The following ZKSCAN7 variants were observed in gnomAD, a reference collection of about 807,000 sequenced individuals.
The protein encoded by ZKSCAN7 is zinc finger with KRAB and SCAN domains 7.
In ZKSCAN7, 38 loss-of-function variants were observed where a neutral mutation model predicts 65.3. That is an observed-to-expected ratio of 0.58 (90% CI 0.45 to 0.76). ZKSCAN7 has a LOEUF of 0.76. Ranked by LOEUF, ZKSCAN7 falls within the 30% of genes least tolerant of loss-of-function variation. The probability of loss-of-function intolerance (pLI) is 0.00; values close to 1 mark genes in which losing one functional copy is unlikely to be tolerated. For synonymous variants in ZKSCAN7, 321 were observed against 321.0 expected, an observed-to-expected ratio of 1.00 and a Z score of 0.00; for missense variants, 815 against 913.3, an observed-to-expected ratio of 0.89 and a Z score of 1.39.
Position 44,557,004 on chromosome 3 carries a change from A to T in ZKSCAN7, c.-44A>T. 6.2e-7 allele frequency: 1 copy of T among 1,611,980 alleles called. No homozygotes were observed. Among genetic ancestry groups the T allele is most frequent in the Non-Finnish European group, 8.5e-7 (1 of 1,179,400 alleles). On this transcript the variant is annotated 5_prime_UTR_variant, in exon 2 of 6. Coordinates refer to ENST00000426540, the MANE Select transcript of ZKSCAN7 (RefSeq NM_001288590.2). The stretch of plus-strand genomic sequence containing the variant: ...ACCTGAACTATTGACCATCATTTTA[A>T]TCGGACCAACTGCAGCTGTAACAAG...
downstream of ZKSCAN7, among the ~76,000 whole-genome samples, chr3:44,572,519 T>C (rs1378492552): frequency 7.2e-5 from 11 of 151,938 alleles, no homozygotes; most frequent in African/African-American, 2.2e-4. Flanking sequence ...TAGTTCTGAA[T>C]TTGCTAACTG....
At chr3:44,581,211 C>G (rs1433537911) in intron 5 of ZKSCAN7, among the ~76,000 whole-genome samples, 1 of 147,200 alleles carries the variant, frequency 6.8e-6, no homozygotes, top group African/African-American at 2.4e-5. Context: ...TCACAGCGCG[C>G]GCGACGCCCA....
At chr3:44,558,620 G>A (rs1699369253) in intron 2 of ZKSCAN7, among the ~76,000 whole-genome samples, 1 of 152,072 alleles carries the variant, frequency 6.6e-6, no homozygotes. Flanking sequence ...CCCATAGGCA[G>A]GCCATCGACA....
At chr3:44,575,647 G>T (rs1292554262), downstream of ZKSCAN7, among the ~76,000 whole-genome samples, 1 of 152,100 alleles carries the variant, frequency 6.6e-6, no homozygotes, top group Non-Finnish European at 1.5e-5. Context: ...GCACGATCTC[G>T]GCTCACTGCA....
At chr3:44,573,371 A>AT (rs1426910552), downstream of ZKSCAN7, among the ~76,000 whole-genome samples, 14 of 152,008 alleles carry the variant, frequency 9.2e-5, no homozygotes, top group Non-Finnish European at 1.9e-4. Context: ...TGGAGGGGAG[A>AT]TTTTTTTGAG....
At position 44,580,763 on chromosome 3, in the gene ZKSCAN7, C is replaced by T. The variant is rs978638300; in HGVS notation, c.812-2209C>T. The T allele has an allele frequency of 1.9e-6, 3 of 1,613,628 alleles. No individual in the cohort carries two copies. The African/African-American group carries it at 4.0e-5, about 22-fold the overall frequency. On this transcript the variant is annotated intron_variant, in intron 5 of 5. Transcript: ENST00000341840. The stretch of plus-strand genomic sequence containing the variant: ...TGCCCTGAGGAAGGGTCGTGGGCAT[C>T]TCATCCAGGGCGTAGCGCAAGAGGC...
chr3:44,571,252 C>G lies in ZKSCAN7; in HGVS notation c.2142C>G (p.Thr714=), dbSNP rs766835611. The change falls in exon 6 of 6, where the codon ACC becomes ACG. Residue 714 remains threonine (T), a synonymous_variant. Transcript: ENST00000426540. ...SQLIVHQRVH[T]GEKPYECSEC... The stretch of plus-strand genomic sequence containing the variant: ...TTATTGTACACCAGAGAGTCCACAC[C>G]GGAGAGAAACCTTATGAATGTAGTG... 6.2e-7 allele frequency: 1 copy of G among 1,613,824 alleles called. No homozygotes were observed. The highest frequency in any genetic ancestry group is 8.5e-7 in the Non-Finnish European group (1 of 1,179,954).
At position 44,578,290 on chromosome 3, in the gene ZKSCAN7, G is replaced by A. The variant is rs1026296443; in HGVS notation, c.812-4682G>A. 3.2e-6 allele frequency: 5 copies of A among 1,582,086 alleles called. No homozygotes were observed. In the Admixed American group the frequency reaches 8.3e-5, roughly 26 times the overall value. Reference sequence around the variant, plus strand: ...TGAGGGAGCTAATCTCCTGTTTCAGGTACTGTATTTCCGATTCCTATATCC... The same window carrying A: ...TGAGGGAGCTAATCTCCTGTTTCAGATACTGTATTTCCGATTCCTATATCC... On this transcript the variant is annotated intron_variant, in intron 5 of 5. Transcript: ENST00000341840.
In ZKSCAN7 at chr3:44,556,941, A is replaced by G. The variant is rs1319115213; in HGVS notation, c.-107A>G. On this transcript the variant is annotated 5_prime_UTR_variant, in exon 2 of 6. Transcript: ENST00000426540. ...TCTTGTTTCTGTAGGCCACACTACC[A>G]TCACCCCTTTCTCCAACCCTGAAAA... 2.8e-6 allele frequency: 4 copies of G among 1,448,278 alleles called. No homozygotes were observed. Among genetic ancestry groups the G allele is most frequent in the East Asian group, 2.3e-5 (1 of 44,056 alleles). 89.7% of individuals were successfully genotyped at this position (1,448,278 alleles called of 1,614,324 possible). A position where few individuals can be genotyped will look rare whatever the true frequency, so the allele number is the denominator to read the frequency against.
At chr3:44,572,208 C>G (rs1699826078), downstream of ZKSCAN7, 1 of 985,396 alleles carries the variant, frequency 1.0e-6, no homozygotes. Flanking sequence ...TCTCCCCTCC[C>G]CAGCTGGACC....
intron 5 of ZKSCAN7, among the ~76,000 whole-genome samples, 181 bp from the exon 6 acceptor site, chr3:44,569,741 C>A (rs11718098): frequency 0.29 from 44,200 of 151,968 alleles, 6,949 homozygotes; most frequent in Non-Finnish European, 0.32. Flanking sequence ...TCCTTGTTTT[C>A]CTGTCCCTAG....
chr3:44,572,382 GTGTGTGTA>G (rs1161499365), downstream of ZKSCAN7, among the ~76,000 whole-genome samples: 4 of 139,900 alleles, frequency 2.9e-5, no homozygotes, highest in Non-Finnish European at 4.7e-5. Flanking sequence ...GTGTGTGTGT[GTGTGTGTA>G]TGTATGCAAA....
chr3:44,579,352 G>A lies in ZKSCAN7; in HGVS notation c.812-3620G>A, dbSNP rs555053749. On this transcript the variant is annotated intron_variant, in intron 5 of 5. Transcript: ENST00000341840. ...CGTGGGTGTCAGCAGGCCCCACACCGCCCACCCGCTCCTGATTCAGGGCCT... is the reference window on the plus strand; with the variant it reads ...CGTGGGTGTCAGCAGGCCCCACACCACCCACCCGCTCCTGATTCAGGGCCT... 2.0e-5 allele frequency among the ~76,000 whole-genome samples: 3 copies of A among 152,292 alleles called. No homozygotes were observed. In the East Asian group the frequency reaches 5.8e-4, roughly 29 times the overall value.
chr3:44,571,192 T>C lies in ZKSCAN7; in HGVS notation c.2082T>C (p.Asn694=). The C allele has an allele frequency of 1.2e-6, 2 of 1,614,198 alleles. No homozygotes were observed. Among genetic ancestry groups the C allele is most frequent in the Non-Finnish European group, 1.7e-6 (2 of 1,180,042 alleles). The part of the protein sequence containing the change: ...THTGEKPYKC[N]DCGKAFSDSS... ...CTGGGGAAAAACCCTATAAATGCAA[T>C]GATTGTGGGAAAGCTTTTAGTGACA... Residue 694 remains asparagine, a synonymous_variant, in exon 6 of 6, where the codon AAT becomes AAC. Coordinates refer to ENST00000426540, the MANE Select transcript of ZKSCAN7 (RefSeq NM_001288590.2).
chr3:44,558,762 T>G (rs985238624), intron 2 of ZKSCAN7, among the ~76,000 whole-genome samples: 9 of 148,672 alleles, frequency 6.1e-5, no homozygotes, highest in African/African-American at 2.2e-4. Context: ...CTTCCTCGTC[T>G]GCTTTCTCCT....
In ZKSCAN7 at chr3:44,571,814, T is replaced by G; in HGVS notation, c.*439T>G. The stretch of plus-strand genomic sequence containing the variant: ...GCCCTCCCCATCTACTCTTTAAACT[T>G]TAATCTATAACTTTTCATCAGTTTT... On this transcript the variant is annotated 3_prime_UTR_variant, in exon 6 of 6. Coordinates refer to ENST00000426540, the MANE Select transcript of ZKSCAN7 (RefSeq NM_001288590.2). 1.0e-6 allele frequency: 1 copy of G among 996,108 alleles called. No homozygotes were observed. Among genetic ancestry groups the G allele is most frequent in the Non-Finnish European group, 1.2e-6 (1 of 836,172 alleles). The allele number at this position is 996,108 out of a possible 1,614,324, so 61.7% of individuals were successfully genotyped here. A position where few individuals can be genotyped will look rare whatever the true frequency, so the allele number is the denominator to read the frequency against.
chr3:44,570,164 G>C lies in ZKSCAN7; in HGVS notation c.1054G>C (p.Asp352His). The C allele has an allele frequency of 1.2e-6, 2 of 1,614,184 alleles. No individual in the cohort carries two copies. The highest frequency in any genetic ancestry group is 2.2e-5 in the East Asian group (1 of 44,886). ...TDEDKKKSTK[D>H]RYDKYKEVGE... is the part of the protein sequence containing the mutation. The stretch of plus-strand genomic sequence containing the variant: ...TGAAGATAAGAAAAAATCCACAAAA[G>C]ACAGATATGACAAATATAAGGAAGT... Residue 352 changes from aspartate (D) to histidine (H), a missense_variant, in exon 6 of 6, where the codon GAC (aspartate) becomes CAC (histidine). Around this residue, in one of 3 missense-constraint regions of ZKSCAN7, gnomAD observed 578 missense variants for 629.5 expected, o/e 0.92. Transcript: ENST00000426540.
intron 5 of ZKSCAN7, chr3:44,582,902 A>G: frequency 2.5e-6 from 1 of 401,872 alleles, no homozygotes; most frequent in Non-Finnish European, 4.9e-6. Context: ...ATGTACATGA[A>G]TATTCGTGTG....
chr3:44,567,889 C>G lies in ZKSCAN7; in HGVS notation c.593-23C>G, dbSNP rs199617208. On this transcript the variant is annotated intron_variant, in intron 3 of 5. Coordinates refer to ENST00000426540, the MANE Select transcript of ZKSCAN7 (RefSeq NM_001288590.2). ...AGCCAGAAGCAGGGCTTGTCCCACTCATAGCTTTCTTTCCTCCCTCAGCTC... is the reference window on the plus strand; with the variant it reads ...AGCCAGAAGCAGGGCTTGTCCCACTGATAGCTTTCTTTCCTCCCTCAGCTC... 69 of 707,418 alleles carry G rather than the reference C, an allele frequency of 9.8e-5. No individual in the cohort carries two copies. The East Asian group carries it at 1.2e-3, about 13-fold the overall frequency. 43.8% of individuals were successfully genotyped at this position (707,418 alleles called of 1,614,324 possible).
Sources: gnomAD v4.1 joint callset for allele counts (sites outside exome capture counted in the v4.1 genomes callset) on GRCh38, gnomAD v4.1.1 for gene constraint, gnomAD v4.1.1 regional missense constraint, MANE v1.5 for transcripts, NCBI Gene and HGNC (gene_info 2026-07-23, HGNC 2026-07-21) for gene names.